PLCH1: variants seen among roughly 807,000 people sequenced by gnomAD.
The protein encoded by PLCH1 is 1-phosphatidylinositol 4,5-bisphosphate phosphodiesterase eta-1.
A neutral mutation model predicts 126.7 loss-of-function variants in PLCH1; 60 were observed. That is an observed-to-expected ratio of 0.47 (90% CI 0.38 to 0.59). The LOEUF (loss-of-function observed/expected upper bound fraction) is 0.59. Ranked by LOEUF, PLCH1 falls within the 20% of genes least tolerant of loss-of-function variation. PLCH1 has a pLI of 0.00. For missense variants in PLCH1, 1,723 were observed against 2,040.0 expected (o/e 0.84, Z 2.99); for synonymous variants, 719 against 734.9 (o/e 0.98, Z 0.35).
intron 21 of PLCH1, among the ~76,000 whole-genome samples, chr3:155,458,530 GAAAGAA>G (rs1262367359): frequency 2.2e-5 from 3 of 137,438 alleles, no homozygotes; most frequent in Admixed American, 2.1e-4. Flanking sequence ...GAAAGAGAAA[GAAAGAA>G]AAAGAAAAAG....
rs568364140 is a variant in PLCH1 at position 155,646,398 on chromosome 3, A to G, written c.80-50020T>C. ...AGCTGTCACCATAACTTCTGAAATG[A>G]CATCCGGAACAGCGACCAGCTAGTG... On this transcript the variant is annotated intron_variant, in intron 2 of 22. Coordinates refer to ENST00000460012, the MANE Select transcript of PLCH1 (RefSeq NM_014996.4). Among the ~76,000 whole-genome samples the G allele has an allele frequency of 5.3e-5, 8 of 152,208 alleles. No homozygotes were observed. In the East Asian group the frequency reaches 1.5e-3, roughly 29 times the overall value.
In PLCH1 at chr3:155,504,574, G is replaced by A. The variant is rs778586234; in HGVS notation, c.1685C>T (p.Thr562Ile). 1 of 1,603,186 alleles carries A rather than the reference G, an allele frequency of 6.2e-7. No homozygotes were observed. Among genetic ancestry groups the A allele is most frequent in the South Asian group, 1.1e-5 (1 of 90,848 alleles). The change falls in exon 13 of 23, where the codon ACC (threonine) becomes ATC (isoleucine). Residue 562 changes from threonine (T) to isoleucine (I), a missense_variant. Thr to Ile is a moderately conservative substitution (Grantham distance 89). This residue lies in a region of PLCH1 where 776 missense variants were observed against 1,062.9 expected (regional missense o/e 0.73). Coordinates refer to ENST00000460012, the MANE Select transcript of PLCH1 (RefSeq NM_014996.4). ...TCATACCTTATGTTTTCCAAAGTTG[G>A]TCATGAGGGATCGTCCATGTGATTT... The part of the protein sequence containing the change: ...GKKSHGRSLM[T>I]NFGKHKKTTK...
intron 2 of PLCH1, among the ~76,000 whole-genome samples, chr3:155,657,273 G>A (rs1031856478): frequency 4.6e-5 from 7 of 152,158 alleles, no homozygotes; most frequent in Admixed American, 2.0e-4. Flanking sequence ...GTAGGCCTAT[G>A]GTTGCCTCAG....
chr3:155,552,989 A>G (rs1726335778), intron 9 of PLCH1, among the ~76,000 whole-genome samples: 2 of 152,220 alleles, frequency 1.3e-5, no homozygotes, highest in South Asian at 2.1e-4. Flanking sequence ...GAAGTTTGGC[A>G]GAATGAGATG....
intron 10 of PLCH1, among the ~76,000 whole-genome samples, chr3:155,531,569 G>A (rs908054920): frequency 6.6e-6 from 1 of 152,184 alleles, no homozygotes; most frequent in Admixed American, 6.5e-5. Context: ...AAGTTGTAGT[G>A]ACCCAAGATG....
At chr3:155,566,083 C>T (rs999106675) in intron 7 of PLCH1, among the ~76,000 whole-genome samples, 22 of 113,368 alleles carry the variant, frequency 1.9e-4, no homozygotes, top group African/African-American at 6.6e-4. Context: ...TTAGGAATAG[C>T]CTTTTAAATA....
intron 2 of PLCH1, among the ~76,000 whole-genome samples, chr3:155,659,302 C>CT (rs753258422): frequency 0.022 from 664 of 30,840 alleles, 259 homozygotes; most frequent in Non-Finnish European, 0.036. Context: ...CTATTCACTT[C>CT]TTTTTTTTTT....
chr3:155,581,031 A>G (rs1730592740), intron 6 of PLCH1, among the ~76,000 whole-genome samples: 1 of 152,174 alleles, frequency 6.6e-6, no homozygotes, highest in South Asian at 2.1e-4. Context: ...CCATATTTCA[A>G]TCTCATTAAT....
intron 21 of PLCH1, among the ~76,000 whole-genome samples, chr3:155,453,064 G>A (rs1712348678): frequency 6.6e-6 from 1 of 152,132 alleles, no homozygotes; most frequent in Admixed American, 6.5e-5. Flanking sequence ...TTCTGATGAA[G>A]CTTATTTTCC....
At chr3:155,638,878 G>A (rs1260251306) in intron 2 of PLCH1, among the ~76,000 whole-genome samples, 1 of 152,222 alleles carries the variant, frequency 6.6e-6, no homozygotes, top group East Asian at 1.9e-4. Flanking sequence ...TTGACTGCCT[G>A]CCATAATATT....
intron 2 of PLCH1, among the ~76,000 whole-genome samples, chr3:155,636,020 T>C (rs1577206238): frequency 6.6e-6 from 1 of 152,240 alleles, no homozygotes; most frequent in Admixed American, 6.5e-5. Context: ...GGTTGACAGA[T>C]GGCTGTAGCA....
intron 13 of PLCH1, among the ~76,000 whole-genome samples, chr3:155,503,719 G>T (rs567921943): frequency 6.6e-6 from 1 of 152,186 alleles, no homozygotes; most frequent in African/African-American, 2.4e-5. Flanking sequence ...TGTATTTTTA[G>T]TAGAGACAGT....
At chr3:155,702,144 T>TG (rs1454604238) in intron 2 of PLCH1, among the ~76,000 whole-genome samples, 1 of 152,210 alleles carries the variant, frequency 6.6e-6, no homozygotes, top group African/African-American at 2.4e-5. Flanking sequence ...GTAATTGTAA[T>TG]TCTCAGAAAT....
chr3:155,607,348 A>G (rs1734494388), intron 2 of PLCH1, among the ~76,000 whole-genome samples: 1 of 152,206 alleles, frequency 6.6e-6, no homozygotes, highest in Non-Finnish European at 1.5e-5. Flanking sequence ...TTAAAGAAAA[A>G]TAAGTACTTA....
At chr3:155,650,220 ATAATC>A (rs1740558693) in intron 2 of PLCH1, among the ~76,000 whole-genome samples, 1 of 152,244 alleles carries the variant, frequency 6.6e-6, no homozygotes, top group Non-Finnish European at 1.5e-5. Flanking sequence ...TGTGATAGGT[ATAATC>A]CTTGTTTCAG....
chr3:155,465,512 C>T (rs939353574), intron 21 of PLCH1, among the ~76,000 whole-genome samples: 32 of 152,070 alleles, frequency 2.1e-4, no homozygotes, highest in African/African-American at 7.5e-4. Context: ...CTTGGGTGAG[C>T]CTCTGAGACT....
intron 21 of PLCH1, among the ~76,000 whole-genome samples, chr3:155,470,993 C>T (rs947048490): frequency 2.6e-5 from 4 of 151,726 alleles, no homozygotes; most frequent in South Asian, 2.1e-4. Context: ...TAAAGACCAT[C>T]GAGACTAGGA....
Position 155,469,298 on chromosome 3 carries a change from T to C in PLCH1, c.2938+16058A>G, listed in dbSNP as rs541278869. Among the ~76,000 whole-genome samples, 11 of 151,988 alleles carry C rather than the reference T, an allele frequency of 7.2e-5. No individual in the cohort carries two copies. The South Asian group carries it at 2.3e-3, about 32-fold the overall frequency. On this transcript the variant is annotated intron_variant, in intron 21 of 21. Transcript: ENST00000494598. ...GGGGTCAGGGAGTGCCCTTTCCGAG[T>C]CAAAGAAAGGGGTGATGGACACACC...
At chr3:155,471,188 C>G (rs558132649) in intron 21 of PLCH1, among the ~76,000 whole-genome samples, 6 of 152,144 alleles carry the variant, frequency 3.9e-5, no homozygotes, top group Non-Finnish European at 7.3e-5. Context: ...ACCCATCTCA[C>G]GTGCAGACAC....
Sources: gnomAD v4.1 joint callset for allele counts (sites outside exome capture counted in the v4.1 genomes callset) on GRCh38, gnomAD v4.1.1 for gene constraint, gnomAD v4.1.1 regional missense constraint, MANE v1.5 for transcripts, NCBI Gene and HGNC (gene_info 2026-07-23, HGNC 2026-07-21) for gene names.